Variants in HMCN1 observed in about 807,000 individuals in gnomAD.
The protein encoded by HMCN1 is hemicentin 1.
HMCN1 carries 321 observed loss-of-function variants against 625.9 expected under a neutral mutation model. The observed-to-expected ratio is 0.51, with a 90% CI of 0.47 to 0.56. The LOEUF is 0.56. Ranked by LOEUF, HMCN1 falls within the 20% of genes least tolerant of loss-of-function variation. The pLI is 0.00. For synonymous variants in HMCN1, 2,425 were observed against 2,417.6 expected (o/e 1.00, Z -0.09); for missense variants, 6,588 against 6,887.3 (o/e 0.96, Z 1.54).
chr1:185,886,564 T>A lies in HMCN1; in HGVS notation c.621+20701T>A, dbSNP rs572208079. 7.9e-5 allele frequency among the ~76,000 whole-genome samples: 12 copies of A among 152,104 alleles called. No individual in the cohort carries two copies. In the East Asian group the frequency reaches 2.3e-3, roughly 29 times the overall value. Reference sequence around the variant, plus strand: ...TCAGATTTTCTCATCTTAAATCAAATGTTTAATGCAAAAGAAAAAGCATGT... The same window carrying A: ...TCAGATTTTCTCATCTTAAATCAAAAGTTTAATGCAAAAGAAAAAGCATGT... On this transcript the variant is annotated intron_variant, in intron 4 of 106. Transcript: ENST00000271588.
At chr1:185,962,211 A>G (rs1650071540) in intron 11 of HMCN1, among the ~76,000 whole-genome samples, 2 of 152,174 alleles carry the variant, frequency 1.3e-5, no homozygotes, top group Non-Finnish European at 2.9e-5. Flanking sequence ...TTTATAGGGA[A>G]GTGTCAGATT....
chr1:186,046,770 G>T (rs1329682959), intron 41 of HMCN1, among the ~76,000 whole-genome samples: 3 of 152,098 alleles, frequency 2.0e-5, no homozygotes, highest in Non-Finnish European at 4.4e-5. Flanking sequence ...TGAATGTTTG[G>T]AAATAATGTT....
chr1:186,053,184 C>T, intron 43 of HMCN1, 110 bp downstream of exon 43: 1 of 1,018,644 alleles, frequency 9.8e-7, no homozygotes. Context: ...GGTTTGCATA[C>T]TAAATGCTAG....
intron 4 of HMCN1, among the ~76,000 whole-genome samples, chr1:185,889,366 G>A (rs890075962): frequency 6.8e-6 from 1 of 147,120 alleles, no homozygotes; most frequent in Non-Finnish European, 1.5e-5. Context: ...AGTGGTGAGA[G>A]AGGGCATCCC....
intron 1 of HMCN1, among the ~76,000 whole-genome samples, chr1:185,764,525 C>CT (rs1655737783): frequency 6.6e-6 from 1 of 152,142 alleles, no homozygotes. Context: ...GAGTATCACT[C>CT]TGTCAGGCAG....
At position 185,984,294 on chromosome 1, in the gene HMCN1, T is replaced by G. The variant is rs200384314; in HGVS notation, c.2916T>G (p.Thr972=). The part of the protein sequence containing the change: ...ASNVAGTNNK[T]TSVVVHVLPT... The stretch of plus-strand genomic sequence containing the variant: ...ACGTTGCTGGGACCAATAACAAAAC[T>G]ACCTCTGTGGTTGTGCATGGTAAGA... Residue 972 remains threonine, a synonymous_variant, in exon 19 of 107, where the codon ACT becomes ACG. Coordinates refer to ENST00000271588, the MANE Select transcript of HMCN1 (RefSeq NM_031935.3). 50 of 1,613,932 alleles carry G rather than the reference T, an allele frequency of 3.1e-5. No homozygotes were observed. The Admixed American group carries it at 6.5e-4, about 21-fold the overall frequency.
At chr1:185,951,044 G>C (rs1447784069) in intron 11 of HMCN1, among the ~76,000 whole-genome samples, 1 of 147,026 alleles carries the variant, frequency 6.8e-6, no homozygotes, top group Non-Finnish European at 1.5e-5. Flanking sequence ...TGGGATATTG[G>C]TGTCGAGTGG....
intron 69 of HMCN1, 100 bp from the exon 70 acceptor site, chr1:186,106,783 CT>C: frequency 1.2e-6 from 1 of 862,822 alleles, no homozygotes; most frequent in Non-Finnish European, 2.0e-6. Flanking sequence ...AATTATCTTG[CT>C]TTTGGTGTGG....
intron 51 of HMCN1, 78 bp from the exon 52 acceptor site, chr1:186,070,534 A>G (rs1658412649): frequency 8.0e-7 from 1 of 1,251,498 alleles, no homozygotes; most frequent in Non-Finnish European, 1.2e-6. Flanking sequence ...TTGATAAGTA[A>G]TCCTCAGTGT....
Position 185,933,616 on chromosome 1 carries a change from A to G in HMCN1, c.1620A>G (p.Thr540=). Residue 540 remains threonine (T), a synonymous_variant, in exon 11 of 107, where the codon ACA becomes ACG. Transcript: ENST00000271588. ...TVTPGERAVL[T]CLIISAVDYN... ...CTCCTGGAGAGAGAGCAGTTTTAACATGTCTCATCATCAGTGCGGTGGATT... is the reference window on the plus strand; with the variant it reads ...CTCCTGGAGAGAGAGCAGTTTTAACGTGTCTCATCATCAGTGCGGTGGATT... 1.2e-6 allele frequency: 2 copies of G among 1,613,982 alleles called. No individual in the cohort carries two copies. Among genetic ancestry groups the G allele is most frequent in the Non-Finnish European group, 1.7e-6 (2 of 1,179,908 alleles).
intron 12 of HMCN1, 107 bp from the exon 13 acceptor site, chr1:185,963,659 AAT>A (rs2102560357): frequency 1.2e-6 from 1 of 837,300 alleles, no homozygotes; most frequent in Non-Finnish European, 2.0e-6. Context: ...CGACACCAAA[AAT>A]ATAACTCTAC....
rs1448560749 is a variant in HMCN1, at chr1:185,922,497, A to G, written c.1019A>G (p.Gln340Arg). The G allele has an allele frequency of 6.2e-7, 1 of 1,610,332 alleles. No individual in the cohort carries two copies. Among genetic ancestry groups the G allele is most frequent in the African/African-American group, 1.3e-5 (1 of 74,796 alleles). The change falls in exon 7 of 107, where the codon CAA (glutamine) becomes CGA (arginine). Residue 340 changes from glutamine (Q) to arginine (R), a missense_variant and splice_region_variant. Around this residue, in one of 3 missense-constraint regions of HMCN1, gnomAD observed 4,628 missense variants for 4,853.1 expected, o/e 0.95. Transcript: ENST00000271588. ...DFKKTVSRPV[Q>R]GIPTYVLLNT... Reference sequence around the variant, plus strand: ...AAAAAAACAGTCAGCAGACCAGTGCAAGGTTTGTATGTGCATATTATTTAA... The same window carrying G: ...AAAAAAACAGTCAGCAGACCAGTGCGAGGTTTGTATGTGCATATTATTTAA...
chr1:185,926,874 C>T (rs1374900214), intron 9 of HMCN1, among the ~76,000 whole-genome samples: 2 of 152,112 alleles, frequency 1.3e-5, no homozygotes, highest in African/African-American at 2.4e-5. Context: ...TGTTCTTTTC[C>T]GTATTCCAAA....
intron 53 of HMCN1, among the ~76,000 whole-genome samples, chr1:186,075,187 T>C (rs1408685072): frequency 6.6e-6 from 1 of 152,094 alleles, no homozygotes; most frequent in Non-Finnish European, 1.5e-5. Context: ...ATCATGAAGT[T>C]TTAAAAGCAG....
intron 4 of HMCN1, among the ~76,000 whole-genome samples, chr1:185,884,379 T>C (rs1664505292): frequency 6.6e-6 from 1 of 151,998 alleles, no homozygotes; most frequent in Non-Finnish European, 1.5e-5. Context: ...ATCTGGACGC[T>C]CTTGTCTTCA....
At chr1:186,171,584 A>G (rs1652235436) in intron 101 of HMCN1, 134 bp downstream of exon 101, 9 of 720,492 alleles carry the variant, frequency 1.2e-5, no homozygotes, top group Non-Finnish European at 2.2e-5. Context: ...TATGCAATCC[A>G]TGCAAAACCA....
At chr1:185,998,098 G>C (rs773623411) in intron 25 of HMCN1, among the ~76,000 whole-genome samples, 2 of 152,030 alleles carry the variant, frequency 1.3e-5, no homozygotes, top group Admixed American at 1.3e-4. Context: ...CTCCTCAGGG[G>C]AATGTGAAAA....
chr1:185,759,766 T>C (rs1655370098), intron 1 of HMCN1, among the ~76,000 whole-genome samples: 1 of 152,216 alleles, frequency 6.6e-6, no homozygotes, highest in Non-Finnish European at 1.5e-5. Flanking sequence ...TATGGACTTT[T>C]GTCTCTAACC....
At chr1:185,817,204 A>G (rs889514049) in intron 1 of HMCN1, among the ~76,000 whole-genome samples, 1 of 152,200 alleles carries the variant, frequency 6.6e-6, no homozygotes, top group Non-Finnish European at 1.5e-5. Flanking sequence ...GACAAGTAGC[A>G]TATCCCCAGT....
Sources: allele counts gnomAD v4.1 joint callset (sites outside exome capture counted in the v4.1 genomes callset), GRCh38; gene constraint gnomAD v4.1.1; regional missense constraint gnomAD v4.1.1; transcripts MANE v1.5; gene names NCBI Gene and HGNC (gene_info 2026-07-23, HGNC 2026-07-21).